Variants in ANKRD44 observed in about 807,000 individuals in gnomAD.
ANKRD44 encodes the protein serine/threonine-protein phosphatase 6 regulatory ankyrin repeat subunit B.
ANKRD44 carries 35 observed loss-of-function variants against 116.0 expected under a neutral mutation model. That is an observed-to-expected ratio of 0.30 (90% CI 0.23 to 0.40). The LOEUF (loss-of-function observed/expected upper bound fraction) is 0.40, where lower values mean the gene tolerates loss of function less well. Among genes scored for constraint, ANKRD44 ranks in the 10% least tolerant of loss-of-function variants. ANKRD44 has a pLI of 1.00. For missense variants in ANKRD44, 1,014 were observed against 1,242.6 expected (o/e 0.82, Z 2.77); for synonymous variants, 435 against 461.8 (o/e 0.94, Z 0.74).
At chr2:197,197,660 A>C (rs1346602052) in intron 1 of ANKRD44, among the ~76,000 whole-genome samples, 1 of 152,032 alleles carries the variant, frequency 6.6e-6, no homozygotes, top group Admixed American at 6.5e-5. Flanking sequence ...AAATGCAAAA[A>C]TTAGCTGGGC....
intron 2 of ANKRD44, among the ~76,000 whole-genome samples, chr2:197,172,596 T>C (rs1272670443): frequency 2.0e-5 from 3 of 152,186 alleles, no homozygotes; most frequent in Admixed American, 6.5e-5. Context: ...TTATTTTGTT[T>C]GTTTGAGACA....
chr2:197,171,244 G>A (rs768412814), intron 2 of ANKRD44, among the ~76,000 whole-genome samples: 24 of 152,198 alleles, frequency 1.6e-4, no homozygotes, highest in Non-Finnish European at 3.4e-4. Flanking sequence ...AGTGGCCAAA[G>A]AGTGATGGGA....
chr2:197,061,670 C>T (rs2077316094), intron 16 of ANKRD44, among the ~76,000 whole-genome samples: 1 of 152,124 alleles, frequency 6.6e-6, no homozygotes, highest in Non-Finnish European at 1.5e-5. Flanking sequence ...TTATTATAAT[C>T]CTGTTATTGC....
At chr2:197,169,803 C>G (rs2080182733) in intron 2 of ANKRD44, among the ~76,000 whole-genome samples, 1 of 152,128 alleles carries the variant, frequency 6.6e-6, no homozygotes, top group African/African-American at 2.4e-5. Flanking sequence ...CTGCCACAGA[C>G]TATTCCAGAG....
intron 4 of ANKRD44, among the ~76,000 whole-genome samples, chr2:197,129,271 T>C (rs2079045326): frequency 6.6e-6 from 1 of 151,992 alleles, no homozygotes; most frequent in African/African-American, 2.4e-5. Context: ...GTAGCTGGGA[T>C]TATAGGCATG....
At chr2:197,025,090 C>A in intron 17 of ANKRD44, 106 bp downstream of exon 17, 7 of 1,120,670 alleles carry the variant, frequency 6.2e-6, no homozygotes, top group Non-Finnish European at 9.3e-6. Flanking sequence ...ACTTTCACTA[C>A]CACTCATCAC....
chr2:196,989,745 T>G, intron 27 of ANKRD44, 96 bp from the exon 28 acceptor site: 1 of 1,520,976 alleles, frequency 6.6e-7, no homozygotes, highest in Non-Finnish European at 8.8e-7. Flanking sequence ...CATTTCTACT[T>G]TCTGCTTTCA....
At chr2:197,259,960 A>G (rs1203962347) in intron 1 of ANKRD44, among the ~76,000 whole-genome samples, 1 of 152,258 alleles carries the variant, frequency 6.6e-6, no homozygotes, top group Non-Finnish European at 1.5e-5. Context: ...ATGTGGTCCA[A>G]TAAAGAACAC....
chr2:197,026,327 G>A (rs2076594500), intron 16 of ANKRD44, among the ~76,000 whole-genome samples: 1 of 152,224 alleles, frequency 6.6e-6, no homozygotes, highest in Non-Finnish European at 1.5e-5. Flanking sequence ...AGGTGCTATG[G>A]TAGAGAAGGA....
chr2:197,297,924 A>G (rs2083772056), intron 1 of ANKRD44, among the ~76,000 whole-genome samples: 1 of 152,208 alleles, frequency 6.6e-6, no homozygotes, highest in Non-Finnish European at 1.5e-5. Flanking sequence ...CCTTAGTCAC[A>G]TGGCTTCTAA....
intron 8 of ANKRD44, among the ~76,000 whole-genome samples, chr2:197,114,086 T>C (rs1334811661): frequency 2.0e-5 from 3 of 152,194 alleles, no homozygotes; most frequent in East Asian, 1.9e-4. Context: ...ACTCAGAACA[T>C]TAAAGTTGAG....
chr2:197,275,098 GAC>G (rs1383721254), intron 1 of ANKRD44, among the ~76,000 whole-genome samples: 1 of 151,910 alleles, frequency 6.6e-6, no homozygotes, highest in Non-Finnish European at 1.5e-5. Flanking sequence ...GACAGACTGG[GAC>G]TTTGTCTCTT....
chr2:197,103,183 A>C (rs572859571), intron 9 of ANKRD44, among the ~76,000 whole-genome samples: 27 of 147,602 alleles, frequency 1.8e-4, no homozygotes, highest in African/African-American at 6.8e-4. Flanking sequence ...AGCCAAGATT[A>C]CGCCACTGCG....
intron 1 of ANKRD44, among the ~76,000 whole-genome samples, chr2:197,272,061 G>A (rs1437627259): frequency 1.3e-5 from 2 of 152,210 alleles, no homozygotes; most frequent in East Asian, 3.8e-4. Context: ...ACTGCAGAGA[G>A]CTGGCTAGCT....
chr2:197,132,695 C>T (rs1195069574), intron 4 of ANKRD44, among the ~76,000 whole-genome samples: 1 of 152,108 alleles, frequency 6.6e-6, no homozygotes, highest in Admixed American at 6.5e-5. Context: ...AAGATTATTA[C>T]CATCAACATT....
intron 16 of ANKRD44, among the ~76,000 whole-genome samples, chr2:197,062,875 A>T (rs976273786): frequency 2.0e-5 from 3 of 152,352 alleles, no homozygotes; most frequent in Admixed American, 2.0e-4. Flanking sequence ...CTGCCTCTGT[A>T]GACTCCACCT....
At chr2:197,178,848 CAT>C (rs770620844) in intron 2 of ANKRD44, among the ~76,000 whole-genome samples, 2 of 152,184 alleles carry the variant, frequency 1.3e-5, no homozygotes, top group Admixed American at 6.5e-5. Flanking sequence ...TACATATTTA[CAT>C]CTATCTAGCA....
intron 18 of ANKRD44, among the ~76,000 whole-genome samples, chr2:197,012,640 C>G (rs1448383991): frequency 1.3e-5 from 2 of 151,684 alleles, no homozygotes; most frequent in South Asian, 2.1e-4. Context: ...CTTGGAAATT[C>G]AGGGACATAG....
At chr2:197,277,226 T>A (rs2083117797) in intron 1 of ANKRD44, among the ~76,000 whole-genome samples, 1 of 151,962 alleles carries the variant, frequency 6.6e-6, no homozygotes, top group Admixed American at 6.5e-5. Flanking sequence ...GTGATATTGA[T>A]CCTCTTCTCG....
Sources: allele counts gnomAD v4.1 joint callset (sites outside exome capture counted in the v4.1 genomes callset), GRCh38; gene constraint gnomAD v4.1.1; transcripts MANE v1.5; gene names NCBI Gene and HGNC (gene_info 2026-07-23, HGNC 2026-07-21).